Variants in TMEM106B observed in about 807,000 individuals in gnomAD.
The protein encoded by TMEM106B is transmembrane protein 106B.
TMEM106B carries 15 observed loss-of-function variants against 31.1 expected under a neutral mutation model. That is an observed-to-expected ratio of 0.48 (90% CI 0.32 to 0.74). The LOEUF is 0.74. TMEM106B is among the 30% of genes least tolerant of loss of function. TMEM106B has a pLI of 0.03. For missense variants in TMEM106B, 283 were observed against 327.3 expected, an observed-to-expected ratio of 0.86 and a Z score of 1.04; for synonymous variants, 126 against 112.5, an observed-to-expected ratio of 1.12 and a Z score of -0.76.
In TMEM106B at chr7:12,233,057, G is replaced by A. The variant is rs1018317543; in HGVS notation, c.*1082G>A. 1 of 151,572 alleles carries A rather than the reference G, an allele frequency of 6.6e-6. No homozygotes were observed. Among genetic ancestry groups the A allele is most frequent in the African/African-American group, 2.4e-5 (1 of 41,358 alleles). The allele number at this position is 151,572 out of a possible 1,614,324, so 9.4% of individuals were successfully genotyped here. On this transcript the variant is annotated 3_prime_UTR_variant, in exon 8 of 8. Coordinates refer to ENST00000396668, the MANE Select transcript of TMEM106B (RefSeq NM_001134232.2). Reference sequence around the variant, plus strand: ...CCTTAATTGAATGTCATTAAATGATGGTGGCCAAAATAAAACCTATTTAGA... The same window carrying A: ...CCTTAATTGAATGTCATTAAATGATAGTGGCCAAAATAAAACCTATTTAGA...
intron 1 of TMEM106B, among the ~76,000 whole-genome samples, chr7:12,211,810 C>G (rs1029928671): frequency 3.3e-5 from 5 of 152,180 alleles, no homozygotes; most frequent in Non-Finnish European, 7.3e-5. Context: ...TTCCTTAGTT[C>G]TCAAGCCCTT....
At position 12,230,454 on chromosome 7, in the gene TMEM106B, T is replaced by C. The variant is rs767438998; in HGVS notation, c.632+16T>C. The C allele has an allele frequency of 6.7e-7, 1 of 1,491,054 alleles. No homozygotes were observed. Among genetic ancestry groups the C allele is most frequent in the Non-Finnish European group, 9.3e-7 (1 of 1,077,754 alleles). 92.4% of individuals were successfully genotyped at this position (1,491,054 alleles called of 1,614,324 possible). On this transcript the variant is annotated intron_variant, in intron 6 of 7. Coordinates refer to ENST00000396668, the MANE Select transcript of TMEM106B (RefSeq NM_001134232.2). ...GTTATATGTAGTAAGTTCTGATTTA[T>C]AATAACTTTTTATTGTCAAATAATG...
At chr7:12,214,665 T>G (rs758241344) in intron 1 of TMEM106B, 144 bp from the exon 2 acceptor site, 3 of 724,630 alleles carry the variant, frequency 4.1e-6, no homozygotes, top group Non-Finnish European at 6.6e-6. Flanking sequence ...CACTCATTTT[T>G]GGCTCCGAAT....
In TMEM106B at chr7:12,224,209, C is replaced by T. The variant is rs755722260; in HGVS notation, c.282-17C>T. 6 of 1,601,274 alleles carry T rather than the reference C, an allele frequency of 3.7e-6. No individual in the cohort carries two copies. Among genetic ancestry groups the T allele is most frequent in the Non-Finnish European group, 4.3e-6 (5 of 1,171,440 alleles). ...TTCTGATGCACATGTACTTAAATACCCTCTTTTCCTTTTCAGAAAGCTGTA... is the reference window on the plus strand; with the variant it reads ...TTCTGATGCACATGTACTTAAATACTCTCTTTTCCTTTTCAGAAAGCTGTA... On this transcript the variant is annotated splice_polypyrimidine_tract_variant and intron_variant, in intron 3 of 7. Coordinates refer to ENST00000396668, the MANE Select transcript of TMEM106B (RefSeq NM_001134232.2).
chr7:12,217,501 CAGTG>C (rs1221446057), intron 2 of TMEM106B, among the ~76,000 whole-genome samples: 5 of 152,080 alleles, frequency 3.3e-5, no homozygotes, highest in African/African-American at 1.2e-4. Context: ...AAAATGAAAC[CAGTG>C]AGTGTAGTTG....
rs71027479 is a variant in TMEM106B at position 12,221,087 on chromosome 7, AGTGTGT to A, written c.281+2585_281+2590del. ...GAAGAGGGAGTGGATAAGCAAGTAA[AGTGTGT>A]GTGTGTGTGTGTGTGTGTCTGTATC... On this transcript the variant is annotated intron_variant, in intron 3 of 7. Transcript: ENST00000396668. Among the ~76,000 whole-genome samples the A allele has an allele frequency of 3.9e-4, 59 of 149,952 alleles. 1 individual carries two copies. The highest frequency in any genetic ancestry group is 2.0e-4 in the East Asian group (1 of 5,098).
At chr7:12,215,587 A>T (rs1268457237) in intron 2 of TMEM106B, 1 of 329,086 alleles carries the variant, frequency 3.0e-6, no homozygotes, top group African/African-American at 2.2e-5. Flanking sequence ...TTAAAATTTT[A>T]TTTTTTTAAT....
At chr7:12,217,133 A>G (rs925588361) in intron 2 of TMEM106B, among the ~76,000 whole-genome samples, 2 of 152,106 alleles carry the variant, frequency 1.3e-5, no homozygotes, top group Admixed American at 6.6e-5. Flanking sequence ...GAATTATTGG[A>G]GCAATGTTCT....
rs1782222458 is a variant in TMEM106B, at chr7:12,240,571, A to G, written c.*8596A>G. The G allele has an allele frequency of 6.6e-6, 1 of 152,146 alleles. No individual in the cohort carries two copies. The highest frequency in any genetic ancestry group is 6.6e-5 in the Admixed American group (1 of 15,262). The allele number at this position is 152,146 out of a possible 1,614,324, so 9.4% of individuals were successfully genotyped here. A position where few individuals can be genotyped will look rare whatever the true frequency, so the allele number is the denominator to read the frequency against. On this transcript the variant is annotated 3_prime_UTR_variant, in exon 8 of 8. Coordinates refer to ENST00000396668, the MANE Select transcript of TMEM106B (RefSeq NM_001134232.2). ...AATGTGCCCAAAATTATCTCTGTAG[A>G]ATAATATGGAAAAACGAAAATGAAA...
At chr7:12,230,243 T>G in intron 5 of TMEM106B, 146 bp from the exon 6 acceptor site, 1 of 691,344 alleles carries the variant, frequency 1.4e-6, no homozygotes, top group African/African-American at 1.8e-5. Context: ...AAAAGAAATG[T>G]GTCTTATACA....
At position 12,242,744 on chromosome 7, in the gene TMEM106B, T is replaced by C. The variant is rs866076469; in HGVS notation, c.*10769T>C. On this transcript the variant is annotated 3_prime_UTR_variant, in exon 8 of 8. Coordinates refer to ENST00000396668, the MANE Select transcript of TMEM106B (RefSeq NM_001134232.2). ...TCTTCAACGAGTATCTTCTTTTCCT[T>C]CCTAAAATACTGTTAATAGCTGGCT... The C allele has an allele frequency of 2.0e-5, 3 of 152,104 alleles. No individual in the cohort carries two copies. The highest frequency in any genetic ancestry group is 6.5e-5 in the Admixed American group (1 of 15,274). 9.4% of individuals were successfully genotyped at this position (152,104 alleles called of 1,614,324 possible). A position where few individuals can be genotyped will look rare whatever the true frequency, so the allele number is the denominator to read the frequency against.
rs1047945333 is a variant in TMEM106B at position 12,233,981 on chromosome 7, A to G, written c.*2006A>G. The G allele has an allele frequency of 2.6e-5, 4 of 151,594 alleles. No individual in the cohort carries two copies. The highest frequency in any genetic ancestry group is 3.2e-3 in the Middle Eastern group (1 of 316). The allele number at this position is 151,594 out of a possible 1,614,324, so 9.4% of individuals were successfully genotyped here. A position where few individuals can be genotyped will look rare whatever the true frequency, so the allele number is the denominator to read the frequency against. On this transcript the variant is annotated 3_prime_UTR_variant, in exon 8 of 8. Coordinates refer to ENST00000396668, the MANE Select transcript of TMEM106B (RefSeq NM_001134232.2). ...TTACTAAAATGTGTAAATTTTACAC[A>G]TTTAGTGACTGTGTAAAATAAAAAA... is the stretch of plus-strand genomic sequence containing the variant.
rs1782207872 is a variant in TMEM106B, at chr7:12,239,810, T to C, written c.*7835T>C. 6.6e-6 allele frequency: 1 copy of C among 152,034 alleles called. No homozygotes were observed. Among genetic ancestry groups the C allele is most frequent in the African/African-American group, 2.4e-5 (1 of 41,410 alleles). The allele number at this position is 152,034 out of a possible 1,614,324, so 9.4% of individuals were successfully genotyped here. A position where few individuals can be genotyped will look rare whatever the true frequency, so the allele number is the denominator to read the frequency against. ...CTGCCTCCAAATACTTACAAAAACA[T>C]CAAAGATCACTGATTACAGATCATT... is the stretch of plus-strand genomic sequence containing the variant. On this transcript the variant is annotated 3_prime_UTR_variant, in exon 8 of 8. Transcript: ENST00000396668.
intron 4 of TMEM106B, among the ~76,000 whole-genome samples, chr7:12,225,064 G>T (rs1477722982): frequency 1.3e-5 from 2 of 151,902 alleles, no homozygotes; most frequent in Admixed American, 6.6e-5. Context: ...TCCCCTCCCT[G>T]TATCCAAGTA....
At chr7:12,212,246 G>T (rs1212903074) in intron 1 of TMEM106B, among the ~76,000 whole-genome samples, 1 of 152,190 alleles carries the variant, frequency 6.6e-6, no homozygotes, top group African/African-American at 2.4e-5. Context: ...TTAAGATGCA[G>T]CTTACAGCCT....
intron 6 of TMEM106B, 46 bp from the exon 7 acceptor site, chr7:12,231,016 A>T (rs569974040): frequency 7.5e-7 from 1 of 1,336,820 alleles, no homozygotes; most frequent in South Asian, 1.3e-5. Flanking sequence ...TTTTTAATTT[A>T]TAATGTAGTA....
intron 1 of TMEM106B, among the ~76,000 whole-genome samples, chr7:12,212,705 GC>G (rs2128523628): frequency 6.6e-6 from 1 of 152,258 alleles, no homozygotes; most frequent in East Asian, 1.9e-4. Context: ...TGAAGTCAGA[GC>G]CCTTAGTGCA....
intron 4 of TMEM106B, among the ~76,000 whole-genome samples, chr7:12,225,032 G>A (rs865829978): frequency 2.6e-5 from 4 of 151,812 alleles, no homozygotes; most frequent in Non-Finnish European, 5.9e-5. Flanking sequence ...TCCACCTCAC[G>A]ACAGGCCTCG....
chr7:12,233,422 C>T lies in TMEM106B; in HGVS notation c.*1447C>T, dbSNP rs1264891654. On this transcript the variant is annotated 3_prime_UTR_variant, in exon 8 of 8. Transcript: ENST00000396668. ...AGTGCCTAACTTAGGTCTGAAACAG[C>T]CTGTTTATTAGTCTGACTCTCTCAA... 3 of 151,422 alleles carry T rather than the reference C, an allele frequency of 2.0e-5. No individual in the cohort carries two copies. Among genetic ancestry groups the T allele is most frequent in the Non-Finnish European group, 4.4e-5 (3 of 67,632 alleles). The allele number at this position is 151,422 out of a possible 1,614,324, so 9.4% of individuals were successfully genotyped here.
Sources: allele counts gnomAD v4.1 joint callset (sites outside exome capture counted in the v4.1 genomes callset), GRCh38; gene constraint gnomAD v4.1.1; transcripts MANE v1.5; gene names NCBI Gene and HGNC (gene_info 2026-07-23, HGNC 2026-07-21).